The following NLGN4X variants were observed in gnomAD, a reference collection of about 807,000 sequenced individuals.
NLGN4X encodes neuroligin-4, X-linked.
Under a neutral mutation model 40.3 loss-of-function variants are expected in NLGN4X, and 3 were observed. That is an observed-to-expected ratio of 0.07 (90% CI 0.03 to 0.19). The LOEUF (loss-of-function observed/expected upper bound fraction) is 0.19. Among genes scored for constraint, NLGN4X ranks in the 10% least tolerant of loss-of-function variants. The pLI is 1.00. For synonymous variants in NLGN4X, 270 were observed against 306.8 expected (o/e 0.88, Z 1.25); for missense variants, 382 against 708.3 (o/e 0.54, Z 5.23).
At chrX:6,056,564 G>A (rs950235874) in intron 2 of NLGN4X, among the ~76,000 whole-genome samples, 2 of 111,959 alleles carry the variant, frequency 1.8e-5, no homozygotes, top group Non-Finnish European at 1.9e-5. Flanking sequence ...GAAGAAAAGA[G>A]ACCCTTTCTA....
At chrX:6,102,867 C>T (rs2038949237) in intron 2 of NLGN4X, among the ~76,000 whole-genome samples, 1 of 111,223 alleles carries the variant, frequency 9.0e-6, no homozygotes, top group Non-Finnish European at 1.9e-5. Context: ...AGATACTTCA[C>T]ATGTAGAGAC....
chrX:5,989,674 T>C (rs764935055), intron 3 of NLGN4X, among the ~76,000 whole-genome samples: 2 of 111,936 alleles, frequency 1.8e-5, no homozygotes, highest in East Asian at 5.6e-4. Flanking sequence ...TTTAAAAATT[T>C]TCCTATTAGG....
At chrX:5,934,037 CCAAA>C (rs2033650662) in intron 3 of NLGN4X, among the ~76,000 whole-genome samples, 1 of 111,643 alleles carries the variant, frequency 9.0e-6, no homozygotes, top group Non-Finnish European at 1.9e-5. Context: ...TGCCTCTTGA[CCAAA>C]ATTCCCCCAT....
chrX:5,906,975 G>T (rs2032220161), intron 4 of NLGN4X, among the ~76,000 whole-genome samples: 1 of 110,624 alleles, frequency 9.0e-6, no homozygotes, highest in South Asian at 3.9e-4. Flanking sequence ...AGCAACTCGG[G>T]AGGCTGAGGC....
chrX:5,962,505 A>G (rs1218485735), intron 3 of NLGN4X, among the ~76,000 whole-genome samples: 1 of 112,631 alleles, frequency 8.9e-6, no homozygotes, highest in East Asian at 2.8e-4. Flanking sequence ...ATGAATAATA[A>G]CAAAGATAAA....
chrX:6,019,448 G>A (rs1363323052), intron 3 of NLGN4X, among the ~76,000 whole-genome samples: 6 of 111,521 alleles, frequency 5.4e-5, no homozygotes, highest in Admixed American at 3.8e-4. Context: ...TAATAATCAC[G>A]TAGTCTTTAA....
chrX:5,975,681 T>A (rs367686832), intron 3 of NLGN4X, among the ~76,000 whole-genome samples: 3 of 109,826 alleles, frequency 2.7e-5, no homozygotes, highest in South Asian at 7.7e-4. Context: ...TCTACAGGTC[T>A]GTTTTGTACT....
chrX:6,153,496 T>G (rs893709603), intron 1 of NLGN4X, among the ~76,000 whole-genome samples: 7 of 111,646 alleles, frequency 6.3e-5, no homozygotes, highest in African/African-American at 2.3e-4. Context: ...AACAAAGAGG[T>G]GATGTCCTGT....
intron 3 of NLGN4X, among the ~76,000 whole-genome samples, chrX:5,917,506 G>T (rs992672078): frequency 2.7e-5 from 3 of 112,299 alleles, no homozygotes; most frequent in Non-Finnish European, 5.6e-5. Context: ...CCTTGTGGTG[G>T]AATCTATTGC....
intron 2 of NLGN4X, among the ~76,000 whole-genome samples, chrX:6,093,677 T>C (rs1217389976): frequency 3.6e-5 from 4 of 111,170 alleles, no homozygotes; most frequent in African/African-American, 1.3e-4. Flanking sequence ...AACCATAATA[T>C]CTGAAATTAC....
intron 3 of NLGN4X, among the ~76,000 whole-genome samples, chrX:5,994,017 G>A (rs762405265): frequency 1.2e-4 from 13 of 111,941 alleles, no homozygotes; most frequent in South Asian, 1.1e-3. Context: ...CACCAGCCAC[G>A]CAAGAAGTTG....
intron 3 of NLGN4X, among the ~76,000 whole-genome samples, chrX:5,990,071 T>C (rs925728758): frequency 1.2e-5 from 1 of 84,613 alleles, no homozygotes; most frequent in African/African-American, 4.3e-5. Flanking sequence ...TCTCTGTCTC[T>C]ATTTTCCTCT....
Position 6,143,156 on chromosome X carries a change from AC to A in NLGN4X, c.472+7838del. ...TACAGGGTGCTTGTACGTGCTGGCTACTAAGCACTTTATATGGATTAAAACC... is the reference window on the plus strand; with the variant it reads ...TACAGGGTGCTTGTACGTGCTGGCTATAAGCACTTTATATGGATTAAAACC... On this transcript the variant is annotated intron_variant, in intron 2 of 5. Coordinates refer to ENST00000381095, the MANE Select transcript of NLGN4X (RefSeq NM_181332.3). Among the ~76,000 whole-genome samples, 3 of 112,471 alleles carry A rather than the reference AC, an allele frequency of 2.7e-5. No individual in the cohort carries two copies. The South Asian group carries it at 1.1e-3, about 41-fold the overall frequency.
chrX:5,912,538 G>A (rs919768163), intron 3 of NLGN4X, among the ~76,000 whole-genome samples: 1 of 110,490 alleles, frequency 9.1e-6, no homozygotes, highest in African/African-American at 3.3e-5. Flanking sequence ...CTGTGTAGTG[G>A]TAAAGATGAA....
At chrX:6,044,812 C>A (rs1218049401) in intron 2 of NLGN4X, among the ~76,000 whole-genome samples, 1 of 111,726 alleles carries the variant, frequency 9.0e-6, no homozygotes, top group Non-Finnish European at 1.9e-5. Flanking sequence ...TGTTGTGAAC[C>A]TAAAACTGCG....
chrX:6,010,568 G>A (rs1203025335), intron 3 of NLGN4X, among the ~76,000 whole-genome samples: 3 of 53,943 alleles, frequency 5.6e-5, no homozygotes, highest in South Asian at 1.5e-3. Flanking sequence ...TTGCTCTGTC[G>A]CCCAGGGTGG....
intron 1 of NLGN4X, among the ~76,000 whole-genome samples, chrX:6,218,474 CCACACACACACACA>C (rs371223344): frequency 2.1e-5 from 1 of 46,969 alleles, no homozygotes; most frequent in African/African-American, 7.0e-5. Context: ...GAGATTAAAC[CCACACACACACACA>C]CACACACACA....
At chrX:6,134,226 T>C (rs930820383) in intron 2 of NLGN4X, among the ~76,000 whole-genome samples, 1 of 111,920 alleles carries the variant, frequency 8.9e-6, no homozygotes, top group South Asian at 3.8e-4. Flanking sequence ...CTTCATACGG[T>C]TGGCTGAGTG....
At chrX:5,922,821 C>T (rs1332283363) in intron 3 of NLGN4X, among the ~76,000 whole-genome samples, 1 of 110,656 alleles carries the variant, frequency 9.0e-6, no homozygotes, top group Non-Finnish European at 1.9e-5. Context: ...CGAGATCATG[C>T]CACTGCACAC....
Sources: allele counts gnomAD v4.1 joint callset (sites outside exome capture counted in the v4.1 genomes callset), GRCh38; gene constraint gnomAD v4.1.1; transcripts MANE v1.5; gene names NCBI Gene and HGNC (gene_info 2026-07-23, HGNC 2026-07-21).